CCDC181: variants seen among roughly 807,000 people sequenced by gnomAD.
CCDC181 encodes the protein coiled-coil domain containing 181.
Under a neutral mutation model 58.7 loss-of-function variants are expected in CCDC181, and 35 were observed. The ratio of observed to expected loss-of-function variants is 0.60; its 90% CI spans 0.46 to 0.79. CCDC181 has a LOEUF of 0.79. CCDC181 is among the 30% of genes least tolerant of loss of function. CCDC181 has a pLI of 0.00. For synonymous variants in CCDC181, 183 were observed against 197.5 expected, an observed-to-expected ratio of 0.93 and a Z score of 0.62; for missense variants, 517 against 583.9, an observed-to-expected ratio of 0.89 and a Z score of 1.18.
At chr1:169,402,722 T>C (rs923057956) in intron 4 of CCDC181, among the ~76,000 whole-genome samples, 3 of 152,024 alleles carry the variant, frequency 2.0e-5, no homozygotes, top group African/African-American at 7.2e-5. Flanking sequence ...GTAAAGACCA[T>C]CAAGGCTAGG....
rs143245261 is a variant in CCDC181, at chr1:169,400,969, C to T, written c.1216-3578G>A. Reference sequence around the variant, plus strand: ...CCACCCCAATACTACACTTTTCCAACGGTCTTAGCAAACGGCACATCAGAA... The same window carrying T: ...CCACCCCAATACTACACTTTTCCAATGGTCTTAGCAAACGGCACATCAGAA... On this transcript the variant is annotated intron_variant, in intron 4 of 5. Coordinates refer to ENST00000367806, the MANE Select transcript of CCDC181 (RefSeq NM_001300969.2). 6.4e-3 allele frequency among the ~76,000 whole-genome samples: 971 copies of T among 152,278 alleles called. 36 individuals are homozygous for T. Among genetic ancestry groups the T allele is most frequent in the Admixed American group, 0.054 (826 of 15,296 alleles).
intron 2 of CCDC181, among the ~76,000 whole-genome samples, chr1:169,423,833 A>G (rs1656600787): frequency 6.6e-6 from 1 of 152,016 alleles, no homozygotes. Flanking sequence ...TAAAACTCCC[A>G]TTTAAAAGCC....
chr1:169,433,158 C>T (rs1656964205), intron 2 of CCDC181, among the ~76,000 whole-genome samples: 1 of 151,882 alleles, frequency 6.6e-6, no homozygotes, highest in Non-Finnish European at 1.5e-5. Context: ...AGACAAAGCA[C>T]ATAAAGTCAG....
At chr1:169,403,022 A>T (rs1266347820) in intron 4 of CCDC181, among the ~76,000 whole-genome samples, 1 of 81,594 alleles carries the variant, frequency 1.2e-5, no homozygotes, top group Admixed American at 1.4e-4. Context: ...CTAGTCTCTG[A>T]AAAAACCAGA....
chr1:169,452,736 C>A (rs1157651184), intron 2 of CCDC181: 1 of 152,114 alleles, frequency 6.6e-6, no homozygotes, highest in African/African-American at 2.4e-5. Context: ...GCTGCAGACA[C>A]TTCTGGATTC....
chr1:169,404,506 G>C (rs146266161), intron 4 of CCDC181, among the ~76,000 whole-genome samples: 3 of 152,008 alleles, frequency 2.0e-5, no homozygotes, highest in Admixed American at 2.0e-4. Flanking sequence ...CTGGTTCAAC[G>C]TATGCAAATC....
In CCDC181 at chr1:169,397,307, C is replaced by G. The variant is rs1377024138; in HGVS notation, c.1300G>C (p.Glu434Gln). 1 of 1,611,232 alleles carries G rather than the reference C, an allele frequency of 6.2e-7. No individual in the cohort carries two copies. Among genetic ancestry groups the G allele is most frequent in the Non-Finnish European group, 8.5e-7 (1 of 1,178,788 alleles). Residue 434 changes from glutamate (E) to glutamine (Q), a missense_variant, in exon 5 of 6, where the codon GAA becomes CAA. Coordinates refer to ENST00000367806, the MANE Select transcript of CCDC181 (RefSeq NM_001300969.2). Reference protein sequence around the residue: ...EEQMKERQTEELRKQEECLFF... With the variant: ...EEQMKERQTEQLRKQEECLFF... ...AAACATTCCTCTTGCTTTCTTAGTT[C>G]TTCTGTCTGTCTTTCTTTCATCTGC...
upstream of CCDC181, among the ~76,000 whole-genome samples, chr1:169,432,117 A>G (rs991373700): frequency 3.9e-5 from 6 of 152,288 alleles, no homozygotes; most frequent in South Asian, 2.1e-4. Flanking sequence ...GAAGAAAATA[A>G]TATATAAACA....
At chr1:169,403,649 A>G (rs1425997068) in intron 4 of CCDC181, among the ~76,000 whole-genome samples, 5 of 152,248 alleles carry the variant, frequency 3.3e-5, no homozygotes, top group African/African-American at 1.2e-4. Context: ...TCTCTGGGAC[A>G]CATTTAAAGC....
At chr1:169,414,821 T>C (rs1335076712) in intron 4 of CCDC181, among the ~76,000 whole-genome samples, 2 of 152,220 alleles carry the variant, frequency 1.3e-5, no homozygotes, top group African/African-American at 4.8e-5. Flanking sequence ...TATAGCAATG[T>C]ATTAATAAGC....
At chr1:169,406,829 AAAAT>A (rs1409199930) in intron 4 of CCDC181, among the ~76,000 whole-genome samples, 1 of 152,152 alleles carries the variant, frequency 6.6e-6, no homozygotes, top group Non-Finnish European at 1.5e-5. Flanking sequence ...AAAATAAAAA[AAAAT>A]AAACCAACAA....
intron 4 of CCDC181, among the ~76,000 whole-genome samples, chr1:169,406,761 A>G (rs1339794888): frequency 6.6e-6 from 1 of 152,054 alleles, no homozygotes; most frequent in African/African-American, 2.4e-5. Flanking sequence ...GTTGTGGCAC[A>G]TGTACCCTAG....
chr1:169,400,560 A>C (rs1308976449), intron 4 of CCDC181, among the ~76,000 whole-genome samples: 1 of 152,172 alleles, frequency 6.6e-6, no homozygotes, highest in African/African-American at 2.4e-5. Flanking sequence ...TTAGATACAA[A>C]CAGGTCTAAT....
At position 169,419,016 on chromosome 1, in the gene CCDC181, A is replaced by G. The variant is rs780584464; in HGVS notation, c.1212T>C (p.Ser404=). 5 of 1,611,142 alleles carry G rather than the reference A, an allele frequency of 3.1e-6. No homozygotes were observed. The African/African-American group carries it at 5.3e-5, about 17-fold the overall frequency. Residue 404 remains serine (S), a synonymous_variant, in exon 4 of 6, where the codon AGT becomes AGC. Coordinates refer to ENST00000367806, the MANE Select transcript of CCDC181 (RefSeq NM_001300969.2). ...TTTTCAGAGAAGTTTTACTTACTCT[A>G]CTGTTCATGTCTTCAATTTCCTTTG... is the stretch of plus-strand genomic sequence containing the variant. ...QRAKEIEDMN[S]RQENRDPQQA... is the part of the protein sequence containing the mutation.
upstream of CCDC181, among the ~76,000 whole-genome samples, chr1:169,430,243 C>G (rs1656879138): frequency 6.6e-6 from 1 of 152,114 alleles, no homozygotes; most frequent in Non-Finnish European, 1.5e-5. Context: ...CAGATTTGTT[C>G]TTCTTGCTTA....
intron 4 of CCDC181, among the ~76,000 whole-genome samples, chr1:169,404,343 C>G (rs1655529102): frequency 6.6e-6 from 1 of 152,152 alleles, no homozygotes; most frequent in Non-Finnish European, 1.5e-5. Context: ...CAAAGCCTGG[C>G]AGAGACACAA....
intron 4 of CCDC181, among the ~76,000 whole-genome samples, chr1:169,411,872 C>T (rs753415793): frequency 6.6e-6 from 1 of 152,112 alleles, no homozygotes; most frequent in Non-Finnish European, 1.5e-5. Flanking sequence ...ACTGATGGCA[C>T]GTATCTCAAA....
At chr1:169,450,504 CAG>C (rs1276922445) in intron 2 of CCDC181, among the ~76,000 whole-genome samples, 1 of 152,150 alleles carries the variant, frequency 6.6e-6, no homozygotes, top group East Asian at 1.9e-4. Context: ...CTTTTTATCA[CAG>C]AATAGAATTC....
chr1:169,455,840 G>GCA (rs1657664015), intron 2 of CCDC181, among the ~76,000 whole-genome samples: 1 of 151,966 alleles, frequency 6.6e-6, no homozygotes, highest in Non-Finnish European at 1.5e-5. Context: ...GCACACTTGT[G>GCA]CACACACACA....
Sources: allele counts gnomAD v4.1 joint callset (sites outside exome capture counted in the v4.1 genomes callset), GRCh38; gene constraint gnomAD v4.1.1; transcripts MANE v1.5; gene names NCBI Gene and HGNC (gene_info 2026-07-23, HGNC 2026-07-21).